CAMK2D: variants seen among roughly 807,000 people sequenced by gnomAD.
CAMK2D encodes calcium/calmodulin dependent protein kinase II delta.
A neutral mutation model predicts 84.0 loss-of-function variants in CAMK2D; 37 were observed. That is an observed-to-expected ratio of 0.44 (90% CI 0.34 to 0.58). The LOEUF is 0.58. Ranked by LOEUF, CAMK2D falls within the 20% of genes least tolerant of loss-of-function variation. CAMK2D has a pLI of 0.02. For synonymous variants in CAMK2D, 202 were observed against 212.5 expected (o/e 0.95, Z 0.43); for missense variants, 448 against 652.5 (o/e 0.69, Z 3.41).
At position 113,701,322 on chromosome 4, in the gene CAMK2D, A is replaced by G. The variant is rs371151539; in HGVS notation, c.161-39550T>C. ...CTCTTTGTTTACTTAACTCTCAACA[A>G]TTGGAATGCTATTCATCTTTTTGCC... On this transcript the variant is annotated intron_variant, in intron 2 of 20. Transcript: ENST00000511664. 2.0e-4 allele frequency among the ~76,000 whole-genome samples: 31 copies of G among 152,318 alleles called. 1 individual carries two copies. Among genetic ancestry groups the G allele is most frequent in the East Asian group, 1.9e-3 (10 of 5,182 alleles).
chr4:113,654,666 C>A (rs963686746), intron 3 of CAMK2D, among the ~76,000 whole-genome samples: 19 of 151,992 alleles, frequency 1.3e-4, no homozygotes, highest in Non-Finnish European at 2.4e-4. Context: ...ACATCGCCAT[C>A]TCTTTACAGA....
intron 9 of CAMK2D, among the ~76,000 whole-genome samples, chr4:113,517,074 T>C (rs752788255): frequency 2.7e-4 from 41 of 151,904 alleles, no homozygotes; most frequent in Admixed American, 5.2e-4. Flanking sequence ...GTGAAACTCA[T>C]TCTTCAAATG....
chr4:113,544,014 A>T lies in CAMK2D; in HGVS notation c.414+3630T>A, dbSNP rs189117121. 4.6e-5 allele frequency among the ~76,000 whole-genome samples: 7 copies of T among 152,040 alleles called. No homozygotes were observed. The East Asian group carries it at 1.4e-3, about 29-fold the overall frequency. On this transcript the variant is annotated intron_variant, in intron 6 of 20. Transcript: ENST00000511664. ...CACCATGTTAGCCGGGATGGTCTCG[A>T]TCTCCTGACCTCATGATCCACCCGC... is the stretch of plus-strand genomic sequence containing the variant.
chr4:113,508,894 G>C (rs2098168794), intron 13 of CAMK2D, among the ~76,000 whole-genome samples: 1 of 152,064 alleles, frequency 6.6e-6, no homozygotes, highest in Non-Finnish European at 1.5e-5. Context: ...CCTTGGAAGA[G>C]AAAGAAAAGG....
At chr4:113,692,345 T>G (rs1482496437) in intron 2 of CAMK2D, among the ~76,000 whole-genome samples, 2 of 152,324 alleles carry the variant, frequency 1.3e-5, no homozygotes, top group East Asian at 3.9e-4. Context: ...TTGTGAAAAT[T>G]TTGAGTAATA....
intron 2 of CAMK2D, among the ~76,000 whole-genome samples, chr4:113,745,729 T>C (rs775248469): frequency 8.5e-5 from 13 of 152,344 alleles, no homozygotes; most frequent in Non-Finnish European, 1.9e-4. Flanking sequence ...TAAAGCAGGA[T>C]ATAAAATGTT....
At chr4:113,505,082 G>T (rs748671780) in intron 13 of CAMK2D, 47 bp from the exon 14 acceptor site, 9 of 1,153,140 alleles carry the variant, frequency 7.8e-6, no homozygotes, top group African/African-American at 4.6e-5. Flanking sequence ...AAACCCCTTG[G>T]TAGCCAATGT....
intron 17 of CAMK2D, among the ~76,000 whole-genome samples, chr4:113,461,613 A>T (rs13123494): frequency 1.7e-4 from 26 of 151,990 alleles, no homozygotes; most frequent in Non-Finnish European, 2.9e-4. Context: ...TATGGTGATC[A>T]GGGTAGGCTT....
intron 2 of CAMK2D, among the ~76,000 whole-genome samples, chr4:113,723,707 C>A (rs10010383): frequency 6.6e-6 from 1 of 151,826 alleles, no homozygotes; most frequent in African/African-American, 2.4e-5. Flanking sequence ...ATAAAATGAG[C>A]AAAATTATAC....
chr4:113,648,436 T>A (rs2099160012), intron 3 of CAMK2D, among the ~76,000 whole-genome samples: 2 of 152,346 alleles, frequency 1.3e-5, no homozygotes, highest in Admixed American at 6.5e-5. Context: ...TACATGTAGA[T>A]GACTCAAAAC....
At chr4:113,565,846 TC>T (rs1034759487) in intron 4 of CAMK2D, among the ~76,000 whole-genome samples, 33 of 152,228 alleles carry the variant, frequency 2.2e-4, no homozygotes, top group African/African-American at 6.7e-4. Context: ...CCTGGCCTTT[TC>T]TGAACTCAAC....
At chr4:113,642,253 T>A (rs2099135195) in intron 3 of CAMK2D, among the ~76,000 whole-genome samples, 1 of 152,166 alleles carries the variant, frequency 6.6e-6, no homozygotes, top group Non-Finnish European at 1.5e-5. Flanking sequence ...GGAAACAAGA[T>A]TAGTTTTCAG....
intron 2 of CAMK2D, among the ~76,000 whole-genome samples, chr4:113,666,319 G>C (rs988821955): frequency 6.6e-6 from 1 of 152,198 alleles, no homozygotes; most frequent in Non-Finnish European, 1.5e-5. Flanking sequence ...GTTGGGGGAA[G>C]ATCTAACAGT....
intron 2 of CAMK2D, among the ~76,000 whole-genome samples, chr4:113,741,977 G>A (rs184860725): frequency 6.6e-6 from 1 of 152,222 alleles, no homozygotes; most frequent in Admixed American, 6.5e-5. Flanking sequence ...TCTATCTAAA[G>A]TAACTCCAAT....
At chr4:113,550,205 G>C (rs1358410048) in intron 5 of CAMK2D, among the ~76,000 whole-genome samples, 1 of 151,944 alleles carries the variant, frequency 6.6e-6, no homozygotes, top group African/African-American at 2.4e-5. Context: ...TTTGAGACAG[G>C]GTCTCACTCT....
At position 113,621,887 on chromosome 4, in the gene CAMK2D, T is replaced by G. The variant is rs1426029626; in HGVS notation, c.221-12681A>C. On this transcript the variant is annotated intron_variant, in intron 3 of 20. Coordinates refer to ENST00000511664, the MANE Select transcript of CAMK2D (RefSeq NM_001321571.2). ...CGCCCAGGGAAGCACAAGAACACAA[T>G]ATAACTATGTGGCAAACAAATCTAA... 2.6e-5 allele frequency among the ~76,000 whole-genome samples: 4 copies of G among 152,180 alleles called. No homozygotes were observed. The South Asian group carries it at 8.3e-4, about 32-fold the overall frequency.
rs143627962 is a variant in CAMK2D, at chr4:113,642,204, C to G, written c.220+19509G>C. On this transcript the variant is annotated intron_variant, in intron 3 of 20. Coordinates refer to ENST00000511664, the MANE Select transcript of CAMK2D (RefSeq NM_001321571.2). ...AACCACCCTCTAAAAGTCAAACTCA[C>G]CCCAAATGTATTTTGCCAGTTACTG... is the stretch of plus-strand genomic sequence containing the variant. Among the ~76,000 whole-genome samples the G allele has an allele frequency of 2.6e-3, 390 of 152,178 alleles. 4 individuals carry two copies. The highest frequency in any genetic ancestry group is 9.2e-3 in the African/African-American group (381 of 41,538).
intron 2 of CAMK2D, among the ~76,000 whole-genome samples, chr4:113,697,325 C>G (rs560673431): frequency 2.6e-5 from 4 of 152,108 alleles, no homozygotes; most frequent in Middle Eastern, 3.4e-3. Flanking sequence ...TAGATAGTTA[C>G]AGAAGAATGA....
intron 12 of CAMK2D, 159 bp downstream of exon 12, chr4:113,513,169 G>A: frequency 1.0e-6 from 1 of 984,956 alleles, no homozygotes; most frequent in Non-Finnish European, 1.2e-6. Context: ...ACTGCTAATG[G>A]CAGCCATAGG....
Sources: gnomAD v4.1 joint callset for allele counts (sites outside exome capture counted in the v4.1 genomes callset) on GRCh38, gnomAD v4.1.1 for gene constraint, MANE v1.5 for transcripts, NCBI Gene and HGNC (gene_info 2026-07-23, HGNC 2026-07-21) for gene names.